The following SLC13A1 variants were observed in gnomAD, a reference collection of about 807,000 sequenced individuals.
SLC13A1 encodes Na(+)/sulfate cotransporter.
Under a neutral mutation model 70.0 loss-of-function variants are expected in SLC13A1, and 65 were observed. The ratio of observed to expected loss-of-function variants is 0.93; its 90% confidence interval spans 0.76 to 1.14. SLC13A1 has a LOEUF of 1.14. Among genes scored for constraint, SLC13A1 ranks in the 50% most tolerant of loss-of-function variants. The pLI is 0.00. For missense variants in SLC13A1, 726 were observed against 717.8 expected, an observed-to-expected ratio of 1.01 and a Z score of -0.13; for synonymous variants, 275 against 250.5, an observed-to-expected ratio of 1.10 and a Z score of -0.92.
At position 123,181,098 on chromosome 7, in the gene SLC13A1, CT is replaced by C. The variant is rs753126366; in HGVS notation, c.102del (p.Ala35GlnfsTer23). The C allele has an allele frequency of 6.2e-7, 1 of 1,610,804 alleles. No homozygotes were observed. The highest frequency in any genetic ancestry group is 1.1e-5 in the South Asian group (1 of 90,856). On this transcript the variant is annotated frameshift_variant and splice_region_variant, in exon 2 of 15. Coordinates refer to ENST00000194130, the MANE Select transcript of SLC13A1 (RefSeq NM_022444.4). LOFTEE classifies it high-confidence loss of function. ...ACAAAGAGTGTGTAGGCACATTCTG[CT>C]TCCTGGTAAGAACAAATGCAAAGCA... is the stretch of plus-strand genomic sequence containing the variant. ...LPLPIVLHTK[E>X]AECAYTLFVV...
At position 123,160,378 on chromosome 7, in the gene SLC13A1, G is replaced by T. The variant is rs1168155506; in HGVS notation, c.660+7996C>A. 2.0e-5 allele frequency among the ~76,000 whole-genome samples: 3 copies of T among 151,890 alleles called. No homozygotes were observed. In the East Asian group the frequency reaches 5.8e-4, roughly 29 times the overall value. On this transcript the variant is annotated intron_variant, in intron 6 of 14. Coordinates refer to ENST00000194130, the MANE Select transcript of SLC13A1 (RefSeq NM_022444.4). ...GAGGTGCACAGCAAAATGATAAAAG[G>T]TTAATCAATCACACACACAGAAACA...
At chr7:123,184,689 A>G (rs1795744765) in intron 1 of SLC13A1, among the ~76,000 whole-genome samples, 1 of 151,622 alleles carries the variant, frequency 6.6e-6, no homozygotes. Flanking sequence ...GTGTGTGTGT[A>G]TACATACCAT....
chr7:123,117,632 T>G (rs546530519), intron 13 of SLC13A1, 24 bp from the exon 14 acceptor site: 8 of 1,495,566 alleles, frequency 5.3e-6, no homozygotes, highest in African/African-American at 2.8e-5. Context: ...TAAAAAAGAG[T>G]CTAAGTAAAA....
At chr7:123,147,538 C>T (rs1467935500) in intron 6 of SLC13A1, among the ~76,000 whole-genome samples, 1 of 63,812 alleles carries the variant, frequency 1.6e-5, no homozygotes, top group Non-Finnish European at 3.1e-5. Flanking sequence ...AGCTTGATTC[C>T]TCTCTCTCTC....
Position 123,170,279 on chromosome 7 carries a change from C to T in SLC13A1, c.366-944G>A, listed in dbSNP as rs1033204126. Among the ~76,000 whole-genome samples, 3 of 152,020 alleles carry T rather than the reference C, an allele frequency of 2.0e-5. No individual in the cohort carries two copies. In the South Asian group the frequency reaches 6.2e-4, roughly 32 times the overall value. On this transcript the variant is annotated intron_variant, in intron 3 of 14. Transcript: ENST00000194130. ...AGGTGAATATTTTCAATGTATACAA[C>T]AAAATAAAAGAAAATATATTAGGAA...
chr7:123,176,940 T>C (rs1029914109), intron 2 of SLC13A1, among the ~76,000 whole-genome samples: 1 of 152,154 alleles, frequency 6.6e-6, no homozygotes. Context: ...TCTCATCAAG[T>C]CTTAGGGCTT....
chr7:123,144,396 T>A (rs1430553425), intron 7 of SLC13A1, among the ~76,000 whole-genome samples: 2 of 152,172 alleles, frequency 1.3e-5, no homozygotes, highest in Non-Finnish European at 2.9e-5. Flanking sequence ...AATGAGCAGA[T>A]GAGCTAAGCA....
At chr7:123,134,687 G>A (rs912361958) in intron 7 of SLC13A1, among the ~76,000 whole-genome samples, 158 bp from the exon 8 acceptor site, 1 of 152,088 alleles carries the variant, frequency 6.6e-6, no homozygotes, top group Non-Finnish European at 1.5e-5. Context: ...TTTACCCCTT[G>A]TCTCCTGTCT....
At chr7:123,160,491 A>T (rs1794855233) in intron 6 of SLC13A1, among the ~76,000 whole-genome samples, 1 of 152,146 alleles carries the variant, frequency 6.6e-6, no homozygotes, top group Non-Finnish European at 1.5e-5. Context: ...TACCTGCATG[A>T]TAGAAGGAGA....
At position 123,169,213 on chromosome 7, in the gene SLC13A1, G is replaced by T. The variant is rs369014600; in HGVS notation, c.488C>A (p.Ala163Glu). 6.2e-7 allele frequency: 1 copy of T among 1,614,054 alleles called. No individual in the cohort carries two copies. The highest frequency in any genetic ancestry group is 8.5e-7 in the Non-Finnish European group (1 of 1,179,970). The change falls in exon 4 of 15, where the codon GCA becomes GAA. Residue 163 changes from alanine to glutamate, a missense_variant. By Grantham distance (107) the Ala-to-Glu change is moderately radical. Coordinates refer to ENST00000194130, the MANE Select transcript of SLC13A1 (RefSeq NM_022444.4). ...AVVQQIINAE[A>E]EVEATQMTYF... ...AGTCATCTGAGTGGCCTCGACCTCT[G>T]CTTCTGCATTGATGATCTGCTGCAC... is the stretch of plus-strand genomic sequence containing the variant.
At chr7:123,173,444 C>G (rs1203184136) in intron 2 of SLC13A1, among the ~76,000 whole-genome samples, 4 of 151,948 alleles carry the variant, frequency 2.6e-5, no homozygotes, top group African/African-American at 9.7e-5. Flanking sequence ...TCATTTATTA[C>G]TCATTGAAAA....
chr7:123,114,405 A>T lies in SLC13A1; in HGVS notation c.*1113T>A, dbSNP rs986443400. The stretch of plus-strand genomic sequence containing the variant: ...TTCGCATCCTCACTTCTAGAAGACT[A>T]TTCTTATCCCATTTTTGTTTAAATG... On this transcript the variant is annotated 3_prime_UTR_variant, in exon 15 of 15. Coordinates refer to ENST00000194130, the MANE Select transcript of SLC13A1 (RefSeq NM_022444.4). 1 of 147,886 alleles carries T rather than the reference A, an allele frequency of 6.8e-6. No homozygotes were observed. Among genetic ancestry groups the T allele is most frequent in the Non-Finnish European group, 1.5e-5 (1 of 67,304 alleles). The allele number at this position is 147,886 out of a possible 1,614,324, so 9.2% of individuals were successfully genotyped here. A position where few individuals can be genotyped will look rare whatever the true frequency, so the allele number is the denominator to read the frequency against.
intron 7 of SLC13A1, among the ~76,000 whole-genome samples, chr7:123,144,740 A>G (rs755292647): frequency 6.6e-6 from 1 of 152,204 alleles, no homozygotes; most frequent in Admixed American, 6.5e-5. Flanking sequence ...GCACATTTAC[A>G]CGTCAAGGTT....
chr7:123,178,033 C>CTCTCTATATA (rs761704605), intron 2 of SLC13A1, among the ~76,000 whole-genome samples: 14 of 150,048 alleles, frequency 9.3e-5, no homozygotes, highest in African/African-American at 1.5e-4. Flanking sequence ...CTCTCTCTCT[C>CTCTCTATATA]TATATATATA....
chr7:123,181,791 C>A (rs1391008974), intron 1 of SLC13A1, among the ~76,000 whole-genome samples: 1 of 152,106 alleles, frequency 6.6e-6, no homozygotes, highest in African/African-American at 2.4e-5. Flanking sequence ...TATGAAATCA[C>A]CTGGAACGTT....
intron 6 of SLC13A1, among the ~76,000 whole-genome samples, chr7:123,159,035 G>A (rs1332289694): frequency 2.0e-5 from 3 of 151,824 alleles, no homozygotes; most frequent in African/African-American, 7.3e-5. Flanking sequence ...ACAGAGCACT[G>A]ATTTTAAAAA....
At chr7:123,145,124 G>T (rs1173110007) in intron 7 of SLC13A1, among the ~76,000 whole-genome samples, 1 of 152,172 alleles carries the variant, frequency 6.6e-6, no homozygotes. Context: ...AAGTAGAGCA[G>T]TGGCAATAAC....
chr7:123,119,502 A>T (rs1793302654), intron 12 of SLC13A1, among the ~76,000 whole-genome samples: 1 of 151,944 alleles, frequency 6.6e-6, no homozygotes, highest in Non-Finnish European at 1.5e-5. Flanking sequence ...TTTTAATTTT[A>T]TCTAATTTAT....
intron 6 of SLC13A1, among the ~76,000 whole-genome samples, chr7:123,151,917 C>T (rs1203070370): frequency 6.6e-6 from 1 of 152,108 alleles, no homozygotes; most frequent in Non-Finnish European, 1.5e-5. Context: ...TCAACATTAT[C>T]TCTGGCCTAG....
Sources: gnomAD v4.1 joint callset for allele counts (sites outside exome capture counted in the v4.1 genomes callset) on GRCh38, gnomAD v4.1.1 for gene constraint, MANE v1.5 for transcripts, NCBI Gene and HGNC (gene_info 2026-07-23, HGNC 2026-07-21) for gene names.